The following TRIM67 variants were observed in gnomAD, a reference collection of about 807,000 sequenced individuals.
TRIM67 encodes tripartite motif-containing protein 67.
TRIM67 carries 39 observed loss-of-function variants against 71.0 expected under a neutral mutation model. The ratio of observed to expected loss-of-function variants is 0.55; its 90% CI spans 0.43 to 0.72. The LOEUF (loss-of-function observed/expected upper bound fraction) is 0.72, where lower values mean the gene tolerates loss of function less well. Ranked by LOEUF, TRIM67 falls within the 30% of genes least tolerant of loss-of-function variation. TRIM67 has a pLI of 0.00. For synonymous variants in TRIM67, 481 were observed against 473.9 expected (o/e 1.01, Z -0.19); for missense variants, 973 against 1,079.2 (o/e 0.90, Z 1.38).
intron 5 of TRIM67, among the ~76,000 whole-genome samples, chr1:231,202,263 TGGTGGC>T (rs1683572656): frequency 1.4e-3 from 4 of 2,942 alleles, no homozygotes; most frequent in Non-Finnish European, 2.3e-3. Flanking sequence ...AAGGAGGAGG[TGGTGGC>T]GGAGGAGGAG....
At chr1:231,205,510 G>A (rs1683670313) in intron 6 of TRIM67, among the ~76,000 whole-genome samples, 1 of 152,160 alleles carries the variant, frequency 6.6e-6, no homozygotes, top group African/African-American at 2.4e-5. Context: ...TGGATCACTT[G>A]AGGTCAGGAG....
intron 1 of TRIM67, among the ~76,000 whole-genome samples, chr1:231,187,360 A>G (rs1457598606): frequency 6.6e-6 from 1 of 151,972 alleles, no homozygotes; most frequent in African/African-American, 2.4e-5. Context: ...TTAGAAGTCA[A>G]TTTCTCTGCT....
intron 1 of TRIM67, among the ~76,000 whole-genome samples, chr1:231,188,068 C>T (rs1435385170): frequency 6.6e-6 from 1 of 152,178 alleles, no homozygotes; most frequent in Non-Finnish European, 1.5e-5. Flanking sequence ...TTTGTGAGAG[C>T]GTGATCTATG....
At chr1:231,194,912 C>T (rs186460694) in intron 1 of TRIM67, among the ~76,000 whole-genome samples, 61 of 152,134 alleles carry the variant, frequency 4.0e-4, no homozygotes, top group African/African-American at 1.2e-3. Flanking sequence ...CCGGGGAGTG[C>T]GGCAGGGAGG....
At position 231,162,889 on chromosome 1, in the gene TRIM67, C is replaced by A. The variant is rs76636341; in HGVS notation, c.-81C>A. On this transcript the variant is annotated 5_prime_UTR_variant, in exon 1 of 10. Coordinates refer to ENST00000366653, the MANE Select transcript of TRIM67 (RefSeq NM_001004342.5). ...CGCCCGTCGTCTCACCGGGGCGCAC[C>A]GCGCTGGTCCTCCTCCGCCAGTCTC... The A allele has an allele frequency of 0.026, 39,459 of 1,530,190 alleles. 600 individuals are homozygous for A. The highest frequency in any genetic ancestry group is 0.032 in the Non-Finnish European group (36,347 of 1,143,602). 94.8% of individuals were successfully genotyped at this position (1,530,190 alleles called of 1,614,324 possible). A position where few individuals can be genotyped will look rare whatever the true frequency, so the allele number is the denominator to read the frequency against.
rs768935529 is a variant in TRIM67 at position 231,213,932 on chromosome 1, G to A, written c.2241G>A (p.Val747=). ...QQQGPTAFSH[V]DGVFMPALSL... is the part of the protein sequence containing the mutation. ...AGGGCCCCACAGCCTTCAGCCACGT[G>A]GACGGGGTCTTCATGCCAGCCCTCA... Residue 747 remains valine, a synonymous_variant, in exon 9 of 10, where the codon GTG becomes GTA. Transcript: ENST00000366653. 2.5e-6 allele frequency: 4 copies of A among 1,613,504 alleles called. No individual in the cohort carries two copies. The South Asian group carries it at 4.4e-5, about 18-fold the overall frequency.
At position 231,167,319 on chromosome 1, in the gene TRIM67, CTTTTTTT is replaced by C. The variant is rs1159766852; in HGVS notation, c.1044+3321_1044+3327del. Among the ~76,000 whole-genome samples, 33 of 51,844 alleles carry C rather than the reference CTTTTTTT, an allele frequency of 6.4e-4. 5 individuals are homozygous for C. The highest frequency in any genetic ancestry group is 2.5e-3 in the African/African-American group (27 of 10,696). The allele number at this position is 51,844 out of a possible 152,430, so 34.0% of individuals were successfully genotyped here. A position where few individuals can be genotyped will look rare whatever the true frequency, so the allele number is the denominator to read the frequency against. Reference sequence around the variant, plus strand: ...ACAGGACTTTTGATCACTCTAATGTCTTTTTTTTTTTTTTTTTTTTTGAGACGGAGTC... The same window carrying C: ...ACAGGACTTTTGATCACTCTAATGTCTTTTTTTTTTTTTTGAGACGGAGTC... On this transcript the variant is annotated intron_variant, in intron 1 of 9. Coordinates refer to ENST00000366653, the MANE Select transcript of TRIM67 (RefSeq NM_001004342.5).
intron 5 of TRIM67, 72 bp downstream of exon 5, chr1:231,201,589 G>C: frequency 6.6e-7 from 1 of 1,515,084 alleles, no homozygotes; most frequent in Non-Finnish European, 8.9e-7. Flanking sequence ...GGGCCAGCTC[G>C]GTGCCATAGG....
intron 1 of TRIM67, chr1:231,186,037 G>C: frequency 6.6e-7 from 1 of 1,507,718 alleles, no homozygotes; most frequent in Admixed American, 2.0e-5. Flanking sequence ...GATTTTCCCA[G>C]GGAAAAAGAA....
At position 231,163,474 on chromosome 1, in the gene TRIM67, G is replaced by A. The variant is rs1165211293; in HGVS notation, c.505G>A (p.Asp169Asn). 2 of 1,532,070 alleles carry A rather than the reference G, an allele frequency of 1.3e-6. No homozygotes were observed. The highest frequency in any genetic ancestry group is 3.9e-5 in the Admixed American group (2 of 51,184). The allele number at this position is 1,532,070 out of a possible 1,614,324, so 94.9% of individuals were successfully genotyped here. The change falls in exon 1 of 10, where the codon GAC becomes AAC. Residue 169 changes from aspartate to asparagine, a missense_variant. Physicochemically the swap from Asp to Asn is conservative, Grantham distance 23. Coordinates refer to ENST00000366653, the MANE Select transcript of TRIM67 (RefSeq NM_001004342.5). ...CPQCHRSASLDHRGLRGFQRN... is the reference protein window; with the variant it reads ...CPQCHRSASLNHRGLRGFQRN... The stretch of plus-strand genomic sequence containing the variant: ...GCAGTGCCACCGCAGCGCATCCCTG[G>A]ACCACCGCGGCCTGCGCGGCTTCCA...
In TRIM67 at chr1:231,209,816, C is replaced by T. The variant is rs1289794530; in HGVS notation, c.2123+566C>T. Among the ~76,000 whole-genome samples, 1 of 152,162 alleles carries T rather than the reference C, an allele frequency of 6.6e-6. No homozygotes were observed. The highest frequency in any genetic ancestry group is 2.4e-5 in the African/African-American group (1 of 41,438). ...AGGGTGCCCACAGCTGTGGCTTTGC[C>T]CTGAGACTGGCCCTGGGAGTAGGGT... On this transcript the variant is annotated intron_variant, in intron 8 of 9. Transcript: ENST00000366653. This position sits in a 1 kb window ranked among gnomAD's most constrained non-coding sequence, Gnocchi z 4.1.
intron 7 of TRIM67, among the ~76,000 whole-genome samples, chr1:231,208,299 G>A (rs538409502): frequency 7.3e-5 from 11 of 151,406 alleles, no homozygotes; most frequent in Admixed American, 3.9e-4. Flanking sequence ...TCAGCCTCCC[G>A]AGTGGCTGGG....
At chr1:231,181,785 A>G (rs1682914229) in intron 1 of TRIM67, among the ~76,000 whole-genome samples, 2 of 152,162 alleles carry the variant, frequency 1.3e-5, no homozygotes. Flanking sequence ...CCCACTATCC[A>G]GAGTGAATAA....
intron 1 of TRIM67, among the ~76,000 whole-genome samples, chr1:231,178,807 C>T (rs1682824498): frequency 6.6e-6 from 1 of 152,176 alleles, no homozygotes. Context: ...GGCCAGTTTC[C>T]TTACACACAA....
chr1:231,163,017 G>A lies in TRIM67; in HGVS notation c.48G>A (p.Glu16=), dbSNP rs1489452413. 1.2e-6 allele frequency: 2 copies of A among 1,612,780 alleles called. No individual in the cohort carries two copies. Among genetic ancestry groups the A allele is most frequent in the Non-Finnish European group, 1.7e-6 (2 of 1,179,372 alleles). ...CCGTGTGCGGCTCTCTGTTTCGGGA[G>A]CCTATCATCCTGCCCTGTTCCCACA... ...KCPVCGSLFR[E]PIILPCSHNV... is the part of the protein sequence containing the mutation. Residue 16 remains glutamate (E), a synonymous_variant, in exon 1 of 10, where the codon GAG becomes GAA. Transcript: ENST00000366653.
intron 9 of TRIM67, 47 bp from the exon 10 acceptor site, chr1:231,215,328 C>T (rs763514030): frequency 1.3e-6 from 2 of 1,596,806 alleles, no homozygotes; most frequent in East Asian, 2.3e-5. Flanking sequence ...CCTCAGGGTC[C>T]CTGCGGCAGC....
intron 1 of TRIM67, among the ~76,000 whole-genome samples, chr1:231,193,513 T>G (rs904433299): frequency 6.9e-6 from 1 of 145,822 alleles, no homozygotes; most frequent in African/African-American, 2.6e-5. Flanking sequence ...GCTCTCTCTC[T>G]CTCTCTCTCT....
chr1:231,185,376 A>G (rs952270524), intron 1 of TRIM67: 1 of 796,844 alleles, frequency 1.3e-6, no homozygotes, highest in Non-Finnish European at 1.9e-6. Context: ...GTGGGGAAGA[A>G]TCTAAAACAA....
intron 2 of TRIM67, among the ~76,000 whole-genome samples, chr1:231,197,787 T>A (rs1361163141): frequency 6.6e-6 from 1 of 152,086 alleles, no homozygotes; most frequent in Admixed American, 6.6e-5. Flanking sequence ...ATTGTGCCAT[T>A]GCACTCTGGC....
Sources: gnomAD v4.1 joint callset for allele counts (sites outside exome capture counted in the v4.1 genomes callset) on GRCh38, gnomAD v4.1.1 for gene constraint, Gnocchi (gnomAD v3.1) non-coding constraint, MANE v1.5 for transcripts, NCBI Gene and HGNC (gene_info 2026-07-23, HGNC 2026-07-21) for gene names.